Variants in MAPK7 observed in about 807,000 individuals in gnomAD.
MAPK7 encodes mitogen-activated protein kinase 7.
MAPK7 carries 30 observed loss-of-function variants against 56.9 expected under a neutral mutation model. The ratio of observed to expected loss-of-function variants is 0.53; its 90% CI spans 0.39 to 0.72. The LOEUF (loss-of-function observed/expected upper bound fraction) is 0.72. MAPK7 is among the 30% of genes least tolerant of loss of function. MAPK7 has a pLI of 0.00. For synonymous variants in MAPK7, 516 were observed against 449.3 expected, an observed-to-expected ratio of 1.15 and a Z score of -1.88; for missense variants, 952 against 1,110.8, an observed-to-expected ratio of 0.86 and a Z score of 2.03.
rs762099766 is a variant in MAPK7, at chr17:19,381,093, G to A, written c.884G>A (p.Arg295Gln). ...CAGGCTGTGGGGGCTGAGAGGGTGC[G>A]GGCCTATATCCAGAGCTTGCCACCA... ...VIQAVGAERVRAYIQSLPPRQ... is the reference protein window; with the variant it reads ...VIQAVGAERVQAYIQSLPPRQ... Residue 295 changes from arginine to glutamine, a missense_variant, in exon 4 of 7, where the codon CGG (arginine) becomes CAG (glutamine). By Grantham distance (43) the Arg-to-Gln change is conservative. This residue lies in a region of MAPK7 where 429 missense variants were observed against 533.0 expected (regional missense o/e 0.80). Coordinates refer to ENST00000395604, the MANE Select transcript of MAPK7 (RefSeq NM_002749.4). The surrounding 1 kb of genome is among the most constrained non-coding windows in gnomAD (Gnocchi z 4.6). 3.7e-6 allele frequency: 6 copies of A among 1,614,048 alleles called. 1 individual carries two copies. The highest frequency in any genetic ancestry group is 3.3e-5 in the South Asian group (3 of 91,088).
Position 19,379,056 on chromosome 17 carries a change from C to T in MAPK7, c.156C>T (p.Gly52=). The change falls in exon 2 of 7, where the codon GGC becomes GGT. Residue 52 remains glycine (G), a synonymous_variant. Transcript: ENST00000395604. The part of the protein sequence containing the change: ...ARSFDVTFDV[G]DEYEIIETIG... ...CCTTCGATGTGACCTTTGACGTGGG[C>T]GACGAGTACGAGATCATCGAGACCA... The T allele has an allele frequency of 6.2e-7, 1 of 1,614,110 alleles. No homozygotes were observed.
chr17:19,382,534 G>T, intron 5 of MAPK7, 68 bp downstream of exon 5: 2 of 1,515,880 alleles, frequency 1.3e-6, no homozygotes. Context: ...TCAGGAAGCG[G>T]TCAGTGTTCC....
upstream of MAPK7, chr17:19,378,141 C>G: frequency 1.0e-6 from 1 of 977,102 alleles, no homozygotes; most frequent in Non-Finnish European, 1.2e-6. The surrounding 1 kb of genome is among the most constrained non-coding windows in gnomAD (Gnocchi z 5.4). Context: ...CCGGGCAGTT[C>G]CCCGAGCTCA....
chr17:19,382,162 C>T lies in MAPK7; in HGVS notation c.1859C>T (p.Ser620Phe). The change falls in exon 5 of 7, where the codon TCT becomes TTT. Residue 620 changes from serine to phenylalanine, a missense_variant. Ser to Phe is a radical substitution (Grantham distance 155). Coordinates refer to ENST00000395604, the MANE Select transcript of MAPK7 (RefSeq NM_002749.4). ...CAGCCCACTGGCCCGCAACCACAAT[C>T]TGCGGGCTCTACCTCTGGCCCTGTA... ...VAQPTGPQPQ[S>F]AGSTSGPVPQ... 1.2e-6 allele frequency: 2 copies of T among 1,612,488 alleles called. No individual in the cohort carries two copies. The highest frequency in any genetic ancestry group is 8.5e-7 in the Non-Finnish European group (1 of 1,179,718).
At chr17:19,382,761 G>T in intron 5 of MAPK7, 52 bp from the exon 6 acceptor site, 2 of 1,599,372 alleles carry the variant, frequency 1.3e-6, no homozygotes, top group South Asian at 1.1e-5. Context: ...ATTGGGACAG[G>T]GTGGCCTACA....
At chr17:19,380,346 C>A in intron 3 of MAPK7, 1 of 822,142 alleles carries the variant, frequency 1.2e-6, no homozygotes, top group Non-Finnish European at 1.7e-6. Flanking sequence ...AACCTATTGG[C>A]CAGCCCTGGT....
At chr17:19,379,245 AAC>A in intron 2 of MAPK7, 113 bp downstream of exon 2, 1 of 924,678 alleles carries the variant, frequency 1.1e-6, no homozygotes, top group Non-Finnish European at 1.6e-6. Context: ...GGCTCCAGTC[AAC>A]ACACACTGAC....
chr17:19,381,420 C>G lies in MAPK7; in HGVS notation c.1211C>G (p.Ser404Cys). 6.2e-7 allele frequency: 1 copy of G among 1,614,226 alleles called. No homozygotes were observed. Among genetic ancestry groups the G allele is most frequent in the Non-Finnish European group, 8.5e-7 (1 of 1,180,054 alleles). ...GIRQQIRFQP[S>C]LQPVASEPGC... Reference sequence around the variant, plus strand: ...CGCCAACAGATCCGCTTCCAGCCTTCTCTACAGCCTGTGGCTAGTGAGCCT... The same window carrying G: ...CGCCAACAGATCCGCTTCCAGCCTTGTCTACAGCCTGTGGCTAGTGAGCCT... The change falls in exon 4 of 7, where the codon TCT (serine) becomes TGT (cysteine). Residue 404 changes from serine to cysteine, a missense_variant. This residue lies in a region of MAPK7 where 429 missense variants were observed against 533.0 expected (regional missense o/e 0.80). Coordinates refer to ENST00000395604, the MANE Select transcript of MAPK7 (RefSeq NM_002749.4). This position sits in a 1 kb window ranked among gnomAD's most constrained non-coding sequence, Gnocchi z 4.6.
rs35099302 is a variant in MAPK7 at position 19,382,924 on chromosome 17, G to C, written c.2275G>C (p.Val759Leu). 7 of 1,614,244 alleles carry C rather than the reference G, an allele frequency of 4.3e-6. No individual in the cohort carries two copies. The highest frequency in any genetic ancestry group is 5.9e-6 in the Non-Finnish European group (7 of 1,180,040). ...CTTAAACCAGTCTTTCGACATGGGCGTGGCTGATGGGCCACAGGATGGGTA... is the reference window on the plus strand; with the variant it reads ...CTTAAACCAGTCTTTCGACATGGGCCTGGCTGATGGGCCACAGGATGGGTA... ...EFLNQSFDMG[V>L]ADGPQDGQAD... is the part of the protein sequence containing the mutation. The change falls in exon 6 of 7, where the codon GTG becomes CTG. Residue 759 changes from valine (V) to leucine (L), a missense_variant. Physicochemically the swap from Val to Leu is conservative, Grantham distance 32. Transcript: ENST00000395604.
At chr17:19,379,618 A>G (rs186361115) in intron 2 of MAPK7, 164 bp from the exon 3 acceptor site, 1 of 631,896 alleles carries the variant, frequency 1.6e-6, no homozygotes, top group Non-Finnish European at 2.7e-6. Flanking sequence ...AACATTTAAT[A>G]ATGTAGGTAA....
chr17:19,377,870 G>A (rs78367046), upstream of MAPK7: 916 of 985,430 alleles, frequency 9.3e-4, 43 homozygotes, highest in East Asian at 0.079. Context: ...TAGAAGCCAG[G>A]AAACCGCGAG....
Position 19,383,346 on chromosome 17 carries a change from C to A in MAPK7, c.*115C>A. ...GTGAGGCTCGGCTTGGATTATTCTG[C>A]AGGTTCATCTCAGACCCACCTTTCA... On this transcript the variant is annotated 3_prime_UTR_variant, in exon 7 of 7. Coordinates refer to ENST00000395604, the MANE Select transcript of MAPK7 (RefSeq NM_002749.4). 8.3e-7 allele frequency: 1 copy of A among 1,205,398 alleles called. No homozygotes were observed. The highest frequency in any genetic ancestry group is 1.1e-6 in the Non-Finnish European group (1 of 870,492). The allele number at this position is 1,205,398 out of a possible 1,614,324, so 74.7% of individuals were successfully genotyped here.
At chr17:19,382,536 C>T (rs906968754) in intron 5 of MAPK7, 70 bp downstream of exon 5, 10 of 1,513,558 alleles carry the variant, frequency 6.6e-6, no homozygotes, top group Admixed American at 2.2e-5. Context: ...AGGAAGCGGT[C>T]AGTGTTCCAC....
rs776218831 is a variant in MAPK7, at chr17:19,380,611, C to T, written c.402C>T (p.Tyr134=). ...CTCTCCTTCCTTCCCCTTCCAGCTA[C>T]GTGGTCCTGGACCTGATGGAAAGCG... ...TVPYGEFKSV[Y]VVLDLMESDL... Residue 134 remains tyrosine (Y), a synonymous_variant, in exon 4 of 7, where the codon TAC becomes TAT. Coordinates refer to ENST00000395604, the MANE Select transcript of MAPK7 (RefSeq NM_002749.4). The T allele has an allele frequency of 1.1e-5, 17 of 1,591,030 alleles. No homozygotes were observed. Among genetic ancestry groups the T allele is most frequent in the Admixed American group, 3.4e-5 (2 of 58,998 alleles).
chr17:19,383,048 A>G (rs1223131436), intron 6 of MAPK7, 30 bp from the exon 7 acceptor site: 1 of 1,613,230 alleles, frequency 6.2e-7, no homozygotes, highest in Non-Finnish European at 8.5e-7. Flanking sequence ...GCCTAGGCTA[A>G]TAGCACCCCT....
rs766353128 is a variant in MAPK7 at position 19,382,315 on chromosome 17, C to A, written c.2012C>A (p.Pro671Gln). 1.4e-5 allele frequency: 23 copies of A among 1,613,334 alleles called. No individual in the cohort carries two copies. Among genetic ancestry groups the A allele is most frequent in the South Asian group, 2.2e-5 (2 of 91,084 alleles). The stretch of plus-strand genomic sequence containing the variant: ...CTCCTGGCTGCCCAGTCACTTGTGC[C>A]ACCCCCTGGGCTGCCTGGCTCCAGC... ...TSLLAAQSLV[P>Q]PPGLPGSSTP... is the part of the protein sequence containing the mutation. The change falls in exon 5 of 7, where the codon CCA (proline) becomes CAA (glutamine). Residue 671 changes from proline (P) to glutamine (Q), a missense_variant. By Grantham distance (76) the Pro-to-Gln change is moderately conservative. Around this residue, in one of 5 missense-constraint regions of MAPK7, gnomAD observed 234 missense variants for 210.4 expected, o/e 1.11. Coordinates refer to ENST00000395604, the MANE Select transcript of MAPK7 (RefSeq NM_002749.4).
At position 19,378,833 on chromosome 17, in the gene MAPK7, C is replaced by A; in HGVS notation, c.-5-63C>A. 1 of 1,404,730 alleles carries A rather than the reference C, an allele frequency of 7.1e-7. No individual in the cohort carries two copies. Among genetic ancestry groups the A allele is most frequent in the Non-Finnish European group, 9.7e-7 (1 of 1,032,758 alleles). The allele number at this position is 1,404,730 out of a possible 1,614,324, so 87.0% of individuals were successfully genotyped here. A position where few individuals can be genotyped will look rare whatever the true frequency, so the allele number is the denominator to read the frequency against. ...GAAGTTCCCTGGTCCTGCTCCCCAG[C>A]CCGCAGAGGGGACACTGAGGCCCAC... is the stretch of plus-strand genomic sequence containing the variant. On this transcript the variant is annotated intron_variant, in intron 1 of 6. Transcript: ENST00000395604. The surrounding 1 kb of genome is among the most constrained non-coding windows in gnomAD (Gnocchi z 5.4).
upstream of MAPK7, chr17:19,378,230 C>T (rs1202612146): frequency 1.0e-5 from 10 of 985,748 alleles, no homozygotes; most frequent in African/African-American, 1.7e-5. This position sits in a 1 kb window ranked among gnomAD's most constrained non-coding sequence, Gnocchi z 5.4. Context: ...CGTTGCCTTC[C>T]ATTCACTTGG....
chr17:19,379,292 C>T (rs1347379521), intron 2 of MAPK7, 160 bp downstream of exon 2: 3 of 672,572 alleles, frequency 4.5e-6, no homozygotes, highest in East Asian at 2.7e-5. Context: ...CGGGGAGGCT[C>T]GGTTCTCTGA....
Sources: gnomAD v4.1 joint callset for allele counts on GRCh38, gnomAD v4.1.1 for gene constraint, gnomAD v4.1.1 regional missense constraint, Gnocchi (gnomAD v3.1) non-coding constraint, MANE v1.5 for transcripts, NCBI Gene and HGNC (gene_info 2026-07-23, HGNC 2026-07-21) for gene names.